CLUAP1: variants seen among roughly 807,000 people sequenced by gnomAD.
CLUAP1 encodes the protein intraflagellar transport 38.
A neutral mutation model predicts 55.0 loss-of-function variants in CLUAP1; 50 were observed. The ratio of observed to expected loss-of-function variants is 0.91; its 90% CI spans 0.72 to 1.15. The LOEUF is 1.15. Among genes scored for constraint, CLUAP1 ranks in the 50% most tolerant of loss-of-function variants. The pLI, the probability that CLUAP1 is intolerant of heterozygous loss-of-function variation, is 0.00. For synonymous variants in CLUAP1, 195 were observed against 175.4 expected, an observed-to-expected ratio of 1.11 and a Z score of -0.88; for missense variants, 530 against 507.6, an observed-to-expected ratio of 1.04 and a Z score of -0.42.
At chr16:3,517,122 T>C (rs940189773) in intron 6 of CLUAP1, among the ~76,000 whole-genome samples, 4 of 151,308 alleles carry the variant, frequency 2.6e-5, no homozygotes, top group African/African-American at 7.3e-5. Flanking sequence ...AAAGTACTTT[T>C]TTTTTCTTTT....
chr16:3,503,802 C>G (rs2037453656), intron 1 of CLUAP1, among the ~76,000 whole-genome samples: 1 of 152,130 alleles, frequency 6.6e-6, no homozygotes, highest in Non-Finnish European at 1.5e-5. Flanking sequence ...AAAACAGTTA[C>G]AGAGTCCCTT....
chr16:3,515,432 A>T, intron 5 of CLUAP1, 76 bp from the exon 6 acceptor site: 1 of 1,009,224 alleles, frequency 9.9e-7, no homozygotes, highest in Non-Finnish European at 1.5e-6. Flanking sequence ...TCTATAAGGC[A>T]CATCTAGATC....
At chr16:3,498,671 A>C (rs1422263064), upstream of CLUAP1, among the ~76,000 whole-genome samples, 1 of 152,134 alleles carries the variant, frequency 6.6e-6, no homozygotes, top group Non-Finnish European at 1.5e-5. Flanking sequence ...CATCCTGGCA[A>C]ACACGGTGAA....
intron 8 of CLUAP1, among the ~76,000 whole-genome samples, chr16:3,525,783 T>C (rs562994277): frequency 2.0e-3 from 297 of 152,252 alleles, no homozygotes; most frequent in African/African-American, 6.8e-3. Flanking sequence ...CCCAGGCTGG[T>C]CTCAAACTCC....
upstream of CLUAP1, among the ~76,000 whole-genome samples, chr16:3,500,735 T>C (rs1596379194): frequency 2.0e-5 from 3 of 152,262 alleles, no homozygotes; most frequent in Admixed American, 1.3e-4. Context: ...CCTAGCGCAA[T>C]ATCAAGCACG....
At chr16:3,502,420 G>T (rs2037422900) in intron 1 of CLUAP1, among the ~76,000 whole-genome samples, 1 of 150,970 alleles carries the variant, frequency 6.6e-6, no homozygotes, top group East Asian at 1.9e-4. Flanking sequence ...CTCCACCCTG[G>T]CCGACAGAGT....
At chr16:3,525,891 C>A (rs971372784) in intron 8 of CLUAP1, among the ~76,000 whole-genome samples, 28 of 152,152 alleles carry the variant, frequency 1.8e-4, no homozygotes, top group African/African-American at 6.5e-4. Context: ...TGATAATAAT[C>A]AAGGCCACAT....
rs752561728 is a variant in CLUAP1, at chr16:3,530,692, C to T, written c.1036+17C>T. 1.3e-5 allele frequency: 21 copies of T among 1,598,192 alleles called. No homozygotes were observed. Among genetic ancestry groups the T allele is most frequent in the East Asian group, 6.7e-5 (3 of 44,758 alleles). ...TCATGCAAGGTACCCCGGCGTCTTT[C>T]GCTGGACTTCCTCCCTGCGCCCTGT... On this transcript the variant is annotated intron_variant, in intron 10 of 11. Coordinates refer to ENST00000576634, the MANE Select transcript of CLUAP1 (RefSeq NM_015041.3).
chr16:3,502,824 A>C (rs947140195), intron 1 of CLUAP1, among the ~76,000 whole-genome samples: 1 of 152,222 alleles, frequency 6.6e-6, no homozygotes, highest in African/African-American at 2.4e-5. Flanking sequence ...TTTTGATCTT[A>C]AATTAATGCT....
In CLUAP1 at chr16:3,533,088, G is replaced by T. The variant is rs756488158; in HGVS notation, c.1092+247G>T. The T allele has an allele frequency of 6.2e-5, 95 of 1,535,682 alleles. No homozygotes were observed. The South Asian group carries it at 1.1e-3, about 17-fold the overall frequency. Reference sequence around the variant, plus strand: ...CCTTCTCACTGTTCTTTCCATTCTCGCTTTCCAAAGATGGAAGCAGCACCA... The same window carrying T: ...CCTTCTCACTGTTCTTTCCATTCTCTCTTTCCAAAGATGGAAGCAGCACCA... On this transcript the variant is annotated intron_variant, in intron 11 of 11. Coordinates refer to ENST00000576634, the MANE Select transcript of CLUAP1 (RefSeq NM_015041.3).
chr16:3,503,023 C>G (rs890624842), intron 1 of CLUAP1, among the ~76,000 whole-genome samples: 1 of 152,116 alleles, frequency 6.6e-6, no homozygotes, highest in African/African-American at 2.4e-5. Flanking sequence ...GCTCTGTCTC[C>G]CAGGCTGGAG....
At chr16:3,515,140 G>A (rs1279362704) in intron 5 of CLUAP1, among the ~76,000 whole-genome samples, 2 of 151,852 alleles carry the variant, frequency 1.3e-5, no homozygotes, top group Admixed American at 6.6e-5. Context: ...ACCAAGGAAC[G>A]TGGATCACTT....
intron 6 of CLUAP1, among the ~76,000 whole-genome samples, chr16:3,518,202 T>G (rs1254001769): frequency 1.3e-5 from 2 of 152,338 alleles, no homozygotes; most frequent in African/African-American, 4.8e-5. Flanking sequence ...TTTTGATTGT[T>G]TCTAAATTTA....
At position 3,538,764 on chromosome 16, in the gene CLUAP1, T is replaced by C. The variant is rs1488178819; in HGVS notation, c.*2493T>C. 4.6e-5 allele frequency: 7 copies of C among 152,336 alleles called. No homozygotes were observed. Among genetic ancestry groups the C allele is most frequent in the African/African-American group, 1.4e-4 (6 of 41,576 alleles). 9.4% of individuals were successfully genotyped at this position (152,336 alleles called of 1,614,324 possible). On this transcript the variant is annotated 3_prime_UTR_variant, in exon 12 of 12. Coordinates refer to ENST00000576634, the MANE Select transcript of CLUAP1 (RefSeq NM_015041.3). ...GGAAGTTTCTGTCAACAGCAAGCTTTATGTGCTCTATCATTTTTATTAAAG... is the reference window on the plus strand; with the variant it reads ...GGAAGTTTCTGTCAACAGCAAGCTTCATGTGCTCTATCATTTTTATTAAAG...
intron 6 of CLUAP1, among the ~76,000 whole-genome samples, chr16:3,516,066 T>C (rs1039927718): frequency 2.0e-5 from 3 of 152,214 alleles, no homozygotes; most frequent in Non-Finnish European, 4.4e-5. Context: ...TTGCTTGGGT[T>C]TGAATTCCAC....
At chr16:3,525,683 G>A (rs2037928302) in intron 8 of CLUAP1, among the ~76,000 whole-genome samples, 1 of 152,054 alleles carries the variant, frequency 6.6e-6, no homozygotes, top group Non-Finnish European at 1.5e-5. Context: ...TCCCACCTCA[G>A]CTTCTTGAGT....
intron 3 of CLUAP1, among the ~76,000 whole-genome samples, chr16:3,506,683 A>G (rs899701317): frequency 4.0e-5 from 6 of 151,858 alleles, no homozygotes; most frequent in African/African-American, 1.5e-4. Flanking sequence ...TTGCATTTTT[A>G]GTAGAGACTG....
chr16:3,501,150 G>T lies in CLUAP1; in HGVS notation c.22+61G>T, dbSNP rs1399100644. ...TTCCAGAGATTCAGGGCTCCCGCCC[G>T]CCGGGTCCCCTGTGTAGGCGATCCC... On this transcript the variant is annotated intron_variant, in intron 1 of 11. Coordinates refer to ENST00000576634, the MANE Select transcript of CLUAP1 (RefSeq NM_015041.3). The T allele has an allele frequency of 6.0e-6, 9 of 1,512,568 alleles. No individual in the cohort carries two copies. The African/African-American group carries it at 1.1e-4, about 19-fold the overall frequency. 93.7% of individuals were successfully genotyped at this position (1,512,568 alleles called of 1,614,324 possible).
chr16:3,497,796 T>A (rs1275289522), upstream of CLUAP1, among the ~76,000 whole-genome samples: 3 of 152,204 alleles, frequency 2.0e-5, no homozygotes, highest in African/African-American at 2.4e-5. Flanking sequence ...GCTAATTTTT[T>A]AATTTATTTT....
Sources: gnomAD v4.1 joint callset for allele counts (sites outside exome capture counted in the v4.1 genomes callset) on GRCh38, gnomAD v4.1.1 for gene constraint, MANE v1.5 for transcripts, NCBI Gene and HGNC (gene_info 2026-07-23, HGNC 2026-07-21) for gene names.